The following CACNA1C variants were observed in gnomAD, a reference collection of about 807,000 sequenced individuals.
The protein encoded by CACNA1C is calcium voltage-gated channel subunit alpha1 C.
CACNA1C carries 30 observed loss-of-function variants against 229.0 expected under a neutral mutation model. The ratio of observed to expected loss-of-function variants is 0.13; its 90% CI spans 0.10 to 0.18. The LOEUF (loss-of-function observed/expected upper bound fraction) is 0.18, where lower values mean the gene tolerates loss of function less well. CACNA1C is among the 10% of genes least tolerant of loss of function. CACNA1C has a pLI of 1.00. For missense variants in CACNA1C, 1,658 were observed against 2,845.0 expected (o/e 0.58, Z 9.49); for synonymous variants, 1,114 against 1,132.5 (o/e 0.98, Z 0.33).
At chr12:2,112,702 T>G (rs1397528501) in intron 1 of CACNA1C, among the ~76,000 whole-genome samples, 4 of 152,158 alleles carry the variant, frequency 2.6e-5, no homozygotes, top group African/African-American at 7.2e-5. Context: ...CTGAGGGGTC[T>G]TCTTGGGATC....
At chr12:2,366,576 C>T (rs933466145) in intron 3 of CACNA1C, among the ~76,000 whole-genome samples, 1 of 152,094 alleles carries the variant, frequency 6.6e-6, no homozygotes, top group African/African-American at 2.4e-5. Context: ...GTTTAATTTG[C>T]AAATGCTTTT....
In CACNA1C at chr12:2,053,222, C is replaced by T. The variant is rs986975560; in HGVS notation, c.-341C>T. 2.0e-6 allele frequency: 2 copies of T among 1,018,366 alleles called. No homozygotes were observed. Among genetic ancestry groups the T allele is most frequent in the Admixed American group, 5.9e-5 (1 of 17,038 alleles). 63.1% of individuals were successfully genotyped at this position (1,018,366 alleles called of 1,614,324 possible). On this transcript the variant is annotated 5_prime_UTR_variant, in exon 1 of 47. Coordinates refer to ENST00000399655, the MANE Select transcript of CACNA1C (RefSeq NM_000719.7). This position sits in a 1 kb window ranked among gnomAD's most constrained non-coding sequence, Gnocchi z 5.8. ...CCGCGCGCCCCCCGCCCCTCCTCTC[C>T]GCCTCTTCTCGCCCTGCCTCTCCCG...
intron 29 of CACNA1C, among the ~76,000 whole-genome samples, chr12:2,629,864 T>C (rs1471537247): frequency 1.3e-5 from 2 of 152,250 alleles, no homozygotes; most frequent in African/African-American, 4.8e-5. Flanking sequence ...GTGACCATTT[T>C]CTCAGCCCAC....
chr12:2,239,288 C>T (rs574612466), intron 3 of CACNA1C, among the ~76,000 whole-genome samples: 47 of 152,180 alleles, frequency 3.1e-4, no homozygotes, highest in East Asian at 7.8e-4. Flanking sequence ...CATCGGGTAC[C>T]GTGTCAGTCA....
At chr12:2,109,005 C>T (rs1274244610) in intron 1 of CACNA1C, among the ~76,000 whole-genome samples, 4 of 152,208 alleles carry the variant, frequency 2.6e-5, no homozygotes, top group African/African-American at 9.6e-5. Flanking sequence ...GCAGAGATTG[C>T]TCAGTGGTCA....
At position 2,585,452 on chromosome 12, in the gene CACNA1C, C is replaced by T; in HGVS notation, c.2416C>T (p.Leu806=). 1 of 1,596,170 alleles carries T rather than the reference C, an allele frequency of 6.3e-7. No individual in the cohort carries two copies. The highest frequency in any genetic ancestry group is 8.5e-7 in the Non-Finnish European group (1 of 1,170,772). ...VGESKEEKIE[L]KSITADGESP... ...GGAATCCAAGGAGGAGAAGATTGAG[C>T]TGAAATCCATCACGGCTGACGGAGA... Residue 806 remains leucine, a synonymous_variant, in exon 17 of 47, where the codon CTG becomes TTG. Coordinates refer to ENST00000399655, the MANE Select transcript of CACNA1C (RefSeq NM_000719.7). The surrounding 1 kb of genome is among the most constrained non-coding windows in gnomAD (Gnocchi z 4.1).
At chr12:2,507,718 G>C (rs547181028) in intron 8 of CACNA1C, among the ~76,000 whole-genome samples, 499 of 152,328 alleles carry the variant, frequency 3.3e-3, no homozygotes, top group African/African-American at 0.011. Flanking sequence ...TGCTATTCCT[G>C]TGTCCATTCT....
At chr12:2,536,116 G>C (rs1308962495) in intron 9 of CACNA1C, among the ~76,000 whole-genome samples, 1 of 152,184 alleles carries the variant, frequency 6.6e-6, no homozygotes, top group African/African-American at 2.4e-5. Flanking sequence ...GGCTGTTCAC[G>C]GCCTTCAAGG....
rs545416383 is a variant in CACNA1C, at chr12:2,162,257, C to G, written c.477+41827C>G. ...GCTCCACAAGCACCTGACCACCACC[C>G]CCTCCCATTCGAGGCCTCCCTGTCC... On this transcript the variant is annotated intron_variant, in intron 3 of 46. Coordinates refer to ENST00000399655, the MANE Select transcript of CACNA1C (RefSeq NM_000719.7). Among the ~76,000 whole-genome samples the G allele has an allele frequency of 2.3e-4, 35 of 152,028 alleles. No individual in the cohort carries two copies. The East Asian group carries it at 4.1e-3, about 18-fold the overall frequency.
rs536305908 is a variant in CACNA1C, at chr12:2,322,804, T to C, written c.478-126172T>C. On this transcript the variant is annotated intron_variant, in intron 3 of 46. Transcript: ENST00000399655. ...CCATAGCCTGTTGCATGAGCATCTG[T>C]CTCACGAGGTTACCTTGGAAGTTAA... is the stretch of plus-strand genomic sequence containing the variant. Among the ~76,000 whole-genome samples the C allele has an allele frequency of 4.6e-5, 7 of 152,352 alleles. No homozygotes were observed. The South Asian group carries it at 1.5e-3, about 32-fold the overall frequency.
chr12:2,587,008 C>T (rs2062757469), intron 18 of CACNA1C, among the ~76,000 whole-genome samples: 2 of 152,142 alleles, frequency 1.3e-5, no homozygotes, highest in South Asian at 2.1e-4. Flanking sequence ...TTGCCTTGAT[C>T]CTGAAGCAAC....
At chr12:2,075,679 AC>A (rs2062932223) in intron 1 of CACNA1C, among the ~76,000 whole-genome samples, 1 of 152,310 alleles carries the variant, frequency 6.6e-6, no homozygotes, top group African/African-American at 2.4e-5. Context: ...TACTGCCCTG[AC>A]CTCCGGTAGG....
chr12:2,404,975 A>G (rs892278598), intron 3 of CACNA1C, among the ~76,000 whole-genome samples: 1 of 152,184 alleles, frequency 6.6e-6, no homozygotes, highest in Admixed American at 6.5e-5. Context: ...ACACTGCTAA[A>G]CTGCACAAGG....
At chr12:1,993,423 A>C (rs778825630) in intron 1 of CACNA1C, 15 of 1,600,918 alleles carry the variant, frequency 9.4e-6, no homozygotes, top group Middle Eastern at 3.3e-4. Flanking sequence ...GGGGAAATCA[A>C]TAGACAAATT....
At chr12:2,437,304 C>T (rs1037798917) in intron 3 of CACNA1C, among the ~76,000 whole-genome samples, 4 of 152,022 alleles carry the variant, frequency 2.6e-5, no homozygotes, top group African/African-American at 4.8e-5. Context: ...AAAAATCAGG[C>T]ATTCAGTGTA....
intron 19 of CACNA1C, among the ~76,000 whole-genome samples, chr12:2,593,989 G>A (rs576606726): frequency 6.6e-6 from 1 of 152,302 alleles, no homozygotes; most frequent in South Asian, 2.1e-4. Flanking sequence ...GTTTTGCTGT[G>A]TACACGATTT....
chr12:2,587,501 A>G (rs757899565), intron 18 of CACNA1C, among the ~76,000 whole-genome samples: 1 of 152,180 alleles, frequency 6.6e-6, no homozygotes, highest in Non-Finnish European at 1.5e-5. Flanking sequence ...CGGCAGATAC[A>G]CCTCTTGCAT....
intron 3 of CACNA1C, among the ~76,000 whole-genome samples, chr12:2,161,529 A>G (rs967325404): frequency 6.6e-6 from 1 of 152,202 alleles, no homozygotes; most frequent in Non-Finnish European, 1.5e-5. Context: ...CACAGAGCCC[A>G]TGGCAGCGGA....
intron 1 of CACNA1C, among the ~76,000 whole-genome samples, chr12:2,043,617 C>T (rs2050530471): frequency 6.6e-6 from 1 of 151,776 alleles, no homozygotes; most frequent in Non-Finnish European, 1.5e-5. Flanking sequence ...GCCATGTGCC[C>T]CAGAGGAGAA....
Sources: gnomAD v4.1 joint callset for allele counts (sites outside exome capture counted in the v4.1 genomes callset) on GRCh38, gnomAD v4.1.1 for gene constraint, Gnocchi (gnomAD v3.1) non-coding constraint, MANE v1.5 for transcripts, NCBI Gene and HGNC (gene_info 2026-07-23, HGNC 2026-07-21) for gene names.